The following SCARB2 variants were observed in gnomAD, a reference collection of about 807,000 sequenced individuals.
SCARB2 encodes scavenger receptor class B member 2.
SCARB2 carries 29 observed loss-of-function variants against 58.6 expected under a neutral mutation model. The ratio of observed to expected loss-of-function variants is 0.49; its 90% CI spans 0.37 to 0.67. The LOEUF is 0.67. Among genes scored for constraint, SCARB2 ranks in the 30% least tolerant of loss-of-function variants. The pLI is 0.00. For synonymous variants in SCARB2, 195 were observed against 210.1 expected (o/e 0.93, Z 0.62); for missense variants, 488 against 578.5 (o/e 0.84, Z 1.60).
chr4:76,224,083 T>C (rs371238772), intron 1 of SCARB2, among the ~76,000 whole-genome samples: 6 of 152,362 alleles, frequency 3.9e-5, no homozygotes, highest in African/African-American at 1.4e-4. Context: ...TAAACCAGAA[T>C]GTGACGTGCA....
intron 1 of SCARB2, among the ~76,000 whole-genome samples, chr4:76,222,919 AG>A (rs900215869): frequency 7.9e-5 from 12 of 152,114 alleles, no homozygotes; most frequent in African/African-American, 2.4e-4. Context: ...GAAGAAAGGC[AG>A]GGGGGGAAGA....
intron 9 of SCARB2, among the ~76,000 whole-genome samples, chr4:76,167,784 C>T (rs1225834303): frequency 2.0e-5 from 3 of 149,688 alleles, no homozygotes; most frequent in Admixed American, 6.8e-5. Flanking sequence ...CTGGTTCAAG[C>T]GATTCTCTTG....
chr4:76,166,045 A>G, intron 10 of SCARB2: 1 of 641,632 alleles, frequency 1.6e-6, no homozygotes, highest in Non-Finnish European at 2.8e-6. Flanking sequence ...TGAGAAGGAA[A>G]ATTTCTTTCC....
intron 8 of SCARB2, among the ~76,000 whole-genome samples, chr4:76,169,341 C>CACACACACACACACACACAT (rs3217498): frequency 6.6e-6 from 1 of 151,126 alleles, no homozygotes; most frequent in African/African-American, 2.4e-5. Context: ...CACACACACA[C>CACACACACACACACACACAT]GTGTGTATGT....
At chr4:76,168,285 G>A (rs1473413517) in intron 9 of SCARB2, 118 bp downstream of exon 9, 1 of 814,262 alleles carries the variant, frequency 1.2e-6, no homozygotes, top group Non-Finnish European at 2.2e-6. Context: ...CCCCATCCCT[G>A]AAGGGCAGGG....
chr4:76,174,714 C>T (rs1428857875), intron 6 of SCARB2: 6 of 246,038 alleles, frequency 2.4e-5, no homozygotes, highest in African/African-American at 6.8e-5. Context: ...GAACAGGCAG[C>T]GATGGCCGTG....
At chr4:76,199,862 G>T (rs1306669325) in intron 1 of SCARB2, among the ~76,000 whole-genome samples, 1 of 152,164 alleles carries the variant, frequency 6.6e-6, no homozygotes, top group Non-Finnish European at 1.5e-5. Context: ...GTATGCTAAT[G>T]GGTCCAAAGA....
intron 1 of SCARB2, among the ~76,000 whole-genome samples, chr4:76,232,117 G>A (rs549561821): frequency 6.6e-6 from 1 of 152,250 alleles, no homozygotes; most frequent in South Asian, 2.1e-4. Flanking sequence ...TCAAATTTTG[G>A]TTACAGAAGT....
At chr4:76,200,959 A>G (rs1732817250) in intron 1 of SCARB2, among the ~76,000 whole-genome samples, 1 of 152,292 alleles carries the variant, frequency 6.6e-6, no homozygotes, top group Non-Finnish European at 1.5e-5. Flanking sequence ...CTCAGGCTTC[A>G]GAGAAGCCTG....
At chr4:76,229,774 G>T (rs1044782743) in intron 1 of SCARB2, among the ~76,000 whole-genome samples, 1 of 152,208 alleles carries the variant, frequency 6.6e-6, no homozygotes, top group Non-Finnish European at 1.5e-5. Flanking sequence ...AGAGTCCTTG[G>T]TTGTAGATAT....
At chr4:76,205,344 A>G (rs1732909229) in intron 1 of SCARB2, among the ~76,000 whole-genome samples, 1 of 147,042 alleles carries the variant, frequency 6.8e-6, no homozygotes, top group African/African-American at 2.5e-5. Flanking sequence ...AACAAAAACA[A>G]AAACAAAAAT....
rs1266748499 is a variant in SCARB2, at chr4:76,160,584, C to A, written c.*1129G>T. 6.6e-6 allele frequency: 1 copy of A among 152,176 alleles called. No homozygotes were observed. 9.4% of individuals were successfully genotyped at this position (152,176 alleles called of 1,614,324 possible). A position where few individuals can be genotyped will look rare whatever the true frequency, so the allele number is the denominator to read the frequency against. On this transcript the variant is annotated 3_prime_UTR_variant, in exon 12 of 12. Coordinates refer to ENST00000264896, the MANE Select transcript of SCARB2 (RefSeq NM_005506.4). ...ATTGTCACAGGAAGTATAGGGCACA[C>A]GTTTCTCTATTCAGTGAGTGACAGT...
At chr4:76,192,240 A>C (rs1267539903) in intron 2 of SCARB2, 1 of 152,236 alleles carries the variant, frequency 6.6e-6, no homozygotes, top group Admixed American at 6.5e-5. Flanking sequence ...AAGATGAGGG[A>C]AAGTTTGCAA....
intron 1 of SCARB2, among the ~76,000 whole-genome samples, chr4:76,199,951 A>G (rs974178188): frequency 2.0e-5 from 3 of 152,178 alleles, no homozygotes; most frequent in African/African-American, 7.2e-5. Context: ...TGCCCCTTCT[A>G]TTTCTGATCC....
chr4:76,216,962 G>A (rs1318118677), upstream of SCARB2, among the ~76,000 whole-genome samples: 1 of 152,160 alleles, frequency 6.6e-6, no homozygotes, highest in Non-Finnish European at 1.5e-5. Context: ...AGCTGGCCTG[G>A]CTGTCTTTCT....
At chr4:76,175,397 C>G in intron 6 of SCARB2, 1 of 267,106 alleles carries the variant, frequency 3.7e-6, no homozygotes, top group Admixed American at 5.0e-5. Flanking sequence ...ATCATAGTAA[C>G]TAAGAGCCAA....
intron 2 of SCARB2, among the ~76,000 whole-genome samples, chr4:76,186,629 A>C (rs917042327): frequency 3.9e-5 from 6 of 152,146 alleles, no homozygotes; most frequent in Admixed American, 1.3e-4. Context: ...AGTGTGCAAG[A>C]AACAGTTTCA....
At chr4:76,183,444 C>T (rs1316350778) in intron 2 of SCARB2, among the ~76,000 whole-genome samples, 2 of 152,108 alleles carry the variant, frequency 1.3e-5, no homozygotes, top group Non-Finnish European at 2.9e-5. Flanking sequence ...GCTAGAACAG[C>T]CCAGAGTACT....
chr4:76,219,715 A>G (rs777354791), intron 1 of SCARB2, among the ~76,000 whole-genome samples: 6 of 151,982 alleles, frequency 3.9e-5, no homozygotes, highest in Non-Finnish European at 7.4e-5. Flanking sequence ...GGCCAGAGAT[A>G]GGGGTGCAGT....
Sources: allele counts gnomAD v4.1 joint callset (sites outside exome capture counted in the v4.1 genomes callset), GRCh38; gene constraint gnomAD v4.1.1; transcripts MANE v1.5; gene names NCBI Gene and HGNC (gene_info 2026-07-23, HGNC 2026-07-21).